The following MYO16 variants were observed in gnomAD, a reference collection of about 807,000 sequenced individuals.
MYO16 encodes the protein myosin XVI, also known as unconventional myosin-XVI.
A neutral mutation model predicts 205.3 loss-of-function variants in MYO16; 94 were observed. The observed-to-expected ratio is 0.46, with a 90% confidence interval of 0.39 to 0.54. MYO16 has a LOEUF of 0.54. Ranked by LOEUF, MYO16 falls within the 20% of genes least tolerant of loss-of-function variation. The probability of loss-of-function intolerance (pLI) is 0.00; values close to 1 mark genes in which losing one functional copy is unlikely to be tolerated. For synonymous variants in MYO16, 988 were observed against 954.0 expected (o/e 1.04, Z -0.66); for missense variants, 2,315 against 2,387.5 (o/e 0.97, Z 0.63).
At chr13:108,591,685 C>T (rs1225947664), upstream of MYO16, among the ~76,000 whole-genome samples, 3 of 152,176 alleles carry the variant, frequency 2.0e-5, no homozygotes, top group Admixed American at 1.3e-4. Flanking sequence ...GTTGAGCCTT[C>T]ATTTTTATGT....
chr13:108,956,017 G>A (rs540485440), intron 16 of MYO16, among the ~76,000 whole-genome samples: 6 of 152,174 alleles, frequency 3.9e-5, no homozygotes, highest in East Asian at 1.9e-4. Flanking sequence ...AGCCTTCTGC[G>A]TATTGATGAC....
intron 32 of MYO16, among the ~76,000 whole-genome samples, chr13:109,155,167 GA>G (rs1877936893): frequency 6.6e-6 from 1 of 152,148 alleles, no homozygotes; most frequent in Non-Finnish European, 1.5e-5. Context: ...TGTTGTTGAA[GA>G]CATCGCTCTG....
intron 27 of MYO16, among the ~76,000 whole-genome samples, chr13:109,096,953 T>G (rs903535255): frequency 6.6e-6 from 1 of 152,338 alleles, no homozygotes; most frequent in Non-Finnish European, 1.5e-5. Flanking sequence ...TCTTTCCCAT[T>G]TGAACACATT....
the MYO16 span, among the ~76,000 whole-genome samples, chr13:108,552,914 C>T: frequency 3.2e-3 from 479 of 151,886 alleles, 5 homozygotes; most frequent in African/African-American, 0.011. Flanking sequence ...GAACTTGCCC[C>T]TTTTAGAGCA....
At chr13:109,182,758 T>C (rs1879508133) in intron 34 of MYO16, among the ~76,000 whole-genome samples, 1 of 152,220 alleles carries the variant, frequency 6.6e-6, no homozygotes, top group African/African-American at 2.4e-5. Context: ...ATACGGTGGT[T>C]GTTTATGTAA....
chr13:108,972,364 A>ATATATAGCCATC lies in MYO16; in HGVS notation c.2369+7468_2369+7469insGCCATCTATATA, dbSNP rs1566439877. Among the ~76,000 whole-genome samples, 24 of 34,486 alleles carry ATATATAGCCATC rather than the reference A, an allele frequency of 7.0e-4. 1 individual carries two copies. Among genetic ancestry groups the ATATATAGCCATC allele is most frequent in the African/African-American group, 4.2e-3 (24 of 5,768 alleles). The allele number at this position is 34,486 out of a possible 152,430, so 22.6% of individuals were successfully genotyped here. ...TATATATATAGCCATATATATATATATATATATATATATATATATATATAT... is the reference window on the plus strand; with the variant it reads ...TATATATATAGCCATATATATATATATATATAGCCATCTATATATATATATATATATATATAT... On this transcript the variant is annotated intron_variant, in intron 20 of 34. Transcript: ENST00000457511.
At chr13:108,595,458 A>G (rs763075704), upstream of MYO16, among the ~76,000 whole-genome samples, 34 of 152,210 alleles carry the variant, frequency 2.2e-4, no homozygotes, top group Non-Finnish European at 4.9e-4. Context: ...ACAATTTTGC[A>G]TATTATATAA....
At chr13:108,857,456 T>C (rs905918393) in intron 11 of MYO16, among the ~76,000 whole-genome samples, 1 of 152,182 alleles carries the variant, frequency 6.6e-6, no homozygotes. Flanking sequence ...GAGGGACATA[T>C]GCAGAAGAGG....
At chr13:109,174,790 C>T (rs149817490) in intron 33 of MYO16, among the ~76,000 whole-genome samples, 34 of 132,350 alleles carry the variant, frequency 2.6e-4, no homozygotes, top group African/African-American at 7.6e-4. Context: ...CTTGCTCTGT[C>T]GCCCAGGCTG....
chr13:108,685,245 T>A (rs1459944434), intron 2 of MYO16, among the ~76,000 whole-genome samples: 1 of 152,056 alleles, frequency 6.6e-6, no homozygotes, highest in African/African-American at 2.4e-5. Flanking sequence ...ATGGTTTCGA[T>A]CTCTTGACCT....
intron 11 of MYO16, among the ~76,000 whole-genome samples, chr13:108,861,116 T>C (rs1878430580): frequency 6.6e-6 from 1 of 152,160 alleles, no homozygotes; most frequent in Non-Finnish European, 1.5e-5. Flanking sequence ...CTCATTAATA[T>C]ATGGCTTAAT....
intron 4 of MYO16, among the ~76,000 whole-genome samples, chr13:108,738,708 C>T (rs1158720214): frequency 1.3e-5 from 2 of 152,084 alleles, no homozygotes; most frequent in African/African-American, 4.8e-5. Flanking sequence ...CTTTCTGTCT[C>T]GTTGATCTGT....
At chr13:108,862,742 A>C (rs1878505451) in intron 11 of MYO16, among the ~76,000 whole-genome samples, 1 of 152,182 alleles carries the variant, frequency 6.6e-6, no homozygotes, top group African/African-American at 2.4e-5. Context: ...TAACAATTTC[A>C]ATTGGATTTG....
intron 31 of MYO16, among the ~76,000 whole-genome samples, chr13:109,133,546 C>G (rs912159444): frequency 7.2e-5 from 11 of 152,198 alleles, no homozygotes; most frequent in Non-Finnish European, 2.9e-5. Context: ...ATGTCCGTAT[C>G]ATTCTGCAGC....
intron 23 of MYO16, among the ~76,000 whole-genome samples, chr13:109,036,851 CCCAG>C (rs1886734070): frequency 1.3e-5 from 2 of 152,168 alleles, no homozygotes; most frequent in Non-Finnish European, 2.9e-5. Flanking sequence ...AAGGCATAAA[CCCAG>C]CCTCTATCTT....
intron 2 of MYO16, among the ~76,000 whole-genome samples, chr13:108,711,657 A>G (rs1883728219): frequency 6.6e-6 from 1 of 152,226 alleles, no homozygotes; most frequent in African/African-American, 2.4e-5. Context: ...TGGGGAAGAT[A>G]GTCAGAGACT....
chr13:109,204,959 C>G (rs917367515), intron 34 of MYO16, among the ~76,000 whole-genome samples: 1 of 152,158 alleles, frequency 6.6e-6, no homozygotes, highest in Non-Finnish European at 1.5e-5. Context: ...TCTTGGCTCA[C>G]TCTGCTGAGA....
At chr13:109,101,000 T>G in intron 28 of MYO16, 113 bp downstream of exon 28, 1 of 850,644 alleles carries the variant, frequency 1.2e-6, no homozygotes. Flanking sequence ...CTTTGATGTG[T>G]TTGGCAAGGC....
intron 12 of MYO16, among the ~76,000 whole-genome samples, chr13:108,878,544 C>T (rs1159230744): frequency 1.3e-5 from 2 of 152,334 alleles, no homozygotes; most frequent in Non-Finnish European, 1.5e-5. Flanking sequence ...TCTGATTTTT[C>T]CTGGATGCCA....
Sources: gnomAD v4.1 joint callset for allele counts (sites outside exome capture counted in the v4.1 genomes callset) on GRCh38, gnomAD v4.1.1 for gene constraint, MANE v1.5 for transcripts, NCBI Gene and HGNC (gene_info 2026-07-23, HGNC 2026-07-21) for gene names.